Variants in ITGA6 observed in about 807,000 individuals in gnomAD.
The protein encoded by ITGA6 is integrin subunit alpha 6.
In ITGA6, 63 loss-of-function variants were observed where a neutral mutation model predicts 133.6. That is an observed-to-expected ratio of 0.47 (90% CI 0.38 to 0.58). ITGA6 has a LOEUF of 0.58. Ranked by LOEUF, ITGA6 falls within the 20% of genes least tolerant of loss-of-function variation. The pLI is 0.00. For synonymous variants in ITGA6, 434 were observed against 482.0 expected (o/e 0.90, Z 1.30); for missense variants, 1,068 against 1,309.4 (o/e 0.82, Z 2.85).
rs576713455 is a variant in ITGA6 at position 172,486,188 on chromosome 2, A to C, written c.1855-835A>C. 6.6e-4 allele frequency among the ~76,000 whole-genome samples: 100 copies of C among 150,900 alleles called. 2 individuals are homozygous for C. The highest frequency in any genetic ancestry group is 2.4e-3 in the African/African-American group (98 of 40,912). On this transcript the variant is annotated intron_variant, in intron 13 of 25. Transcript: ENST00000684293. Reference sequence around the variant, plus strand: ...AAGACTCTATCTCCAAAAAAAAAAAAAAAAAAAAACAACTAATTGATGATG... The same window carrying C: ...AAGACTCTATCTCCAAAAAAAAAAACAAAAAAAAACAACTAATTGATGATG...
chr2:172,478,647 G>A (rs71415300), intron 9 of ITGA6, among the ~76,000 whole-genome samples: 2,517 of 152,358 alleles, frequency 0.017, 31 homozygotes, highest in Non-Finnish European at 0.028. Flanking sequence ...GTAGGGCGTG[G>A]AATTGGATTC....
chr2:172,441,148 T>C (rs1480263690), intron 1 of ITGA6, among the ~76,000 whole-genome samples: 2 of 152,208 alleles, frequency 1.3e-5, no homozygotes, highest in African/African-American at 4.8e-5. Context: ...GTTGCTCTCA[T>C]CCTGTTGAGT....
At chr2:172,428,137 A>C in intron 1 of ITGA6, 167 bp downstream of exon 1, 1 of 441,658 alleles carries the variant, frequency 2.3e-6, no homozygotes. Flanking sequence ...CCCCGCCCTG[A>C]CCCGCCCCGC....
chr2:172,456,228 C>T (rs28595036), intron 1 of ITGA6, among the ~76,000 whole-genome samples: 28,709 of 152,130 alleles, frequency 0.19, 3,414 homozygotes, highest in African/African-American at 0.33. Context: ...GGGACTCTTA[C>T]AAGGCCAGTG....
chr2:172,432,904 G>A (rs748762607), intron 1 of ITGA6, among the ~76,000 whole-genome samples: 3 of 152,194 alleles, frequency 2.0e-5, no homozygotes, highest in Non-Finnish European at 2.9e-5. Context: ...TGCAGTACAC[G>A]TGTGAAGTCA....
rs1686613054 is a variant in ITGA6, at chr2:172,485,192, T to A, written c.1782T>A (p.Arg594=). 1.2e-6 allele frequency: 2 copies of A among 1,613,742 alleles called. No homozygotes were observed. The highest frequency in any genetic ancestry group is 1.7e-6 in the Non-Finnish European group (2 of 1,179,748). ...ASVEIQEPSS[R]RRVNSLPEVL... ...TGGAGATCCAAGAGCCAAGCTCTCG[T>A]AGGCGAGTGAATTCACTTCCAGAAG... The change falls in exon 13 of 26, where the codon CGT becomes CGA. Residue 594 remains arginine (R), a synonymous_variant. Coordinates refer to ENST00000684293, the MANE Select transcript of ITGA6 (RefSeq NM_000210.4).
intron 1 of ITGA6, among the ~76,000 whole-genome samples, chr2:172,454,864 T>C (rs1685150300): frequency 6.6e-6 from 1 of 152,130 alleles, no homozygotes; most frequent in Admixed American, 6.5e-5. Flanking sequence ...GAAGGAACCA[T>C]GAGTCAGGGA....
chr2:172,485,224 C>T lies in ITGA6; in HGVS notation c.1814C>T (p.Pro605Leu), dbSNP rs1158652479. 1.2e-6 allele frequency: 2 copies of T among 1,613,862 alleles called. No individual in the cohort carries two copies. Among genetic ancestry groups the T allele is most frequent in the Middle Eastern group, 1.6e-4 (1 of 6,084 alleles). The change falls in exon 13 of 26, where the codon CCA becomes CTA. Residue 605 changes from proline to leucine, a missense_variant. Pro to Leu is a moderately conservative substitution (Grantham distance 98, BLOSUM62 -3). Transcript: ENST00000684293. ...RRVNSLPEVLPILNSDEPKTA... is the reference protein window; with the variant it reads ...RRVNSLPEVLLILNSDEPKTA... ...GTGAATTCACTTCCAGAAGTTCTTC[C>T]AATTCTGAATTCAGATGAACCCAAG...
intron 9 of ITGA6, among the ~76,000 whole-genome samples, chr2:172,478,311 C>G (rs190384265): frequency 1.6e-3 from 247 of 152,328 alleles, no homozygotes; most frequent in African/African-American, 5.6e-3. Context: ...CAGATTGATT[C>G]CAGAAGTTCG....
At chr2:172,471,186 C>T in intron 5 of ITGA6, 81 bp downstream of exon 5, 1 of 1,545,388 alleles carries the variant, frequency 6.5e-7, no homozygotes, top group Non-Finnish European at 8.9e-7. Context: ...CCTATGGCCC[C>T]TGGACTTCTA....
chr2:172,432,053 C>G (rs1684126078), intron 1 of ITGA6, among the ~76,000 whole-genome samples: 1 of 152,098 alleles, frequency 6.6e-6, no homozygotes, highest in South Asian at 2.1e-4. Context: ...TCCTGAAGAC[C>G]TCGGCTCAAC....
intron 25 of ITGA6, 95 bp downstream of exon 25, chr2:172,501,996 T>A: frequency 9.2e-7 from 1 of 1,086,616 alleles, no homozygotes; most frequent in Non-Finnish European, 1.3e-6. Flanking sequence ...TGTGTCCCAT[T>A]AACAGATGTT....
intron 1 of ITGA6, among the ~76,000 whole-genome samples, chr2:172,446,177 G>A (rs1684760480): frequency 6.6e-6 from 1 of 151,708 alleles, no homozygotes; most frequent in African/African-American, 2.4e-5. Flanking sequence ...TCAAAGCATT[G>A]AAAAATTTGT....
At chr2:172,496,606 T>C (rs1019300772) in intron 23 of ITGA6, among the ~76,000 whole-genome samples, 2 of 152,134 alleles carry the variant, frequency 1.3e-5, no homozygotes, top group East Asian at 1.9e-4. Context: ...AATATTTGAC[T>C]GAAAACACTT....
rs894567987 is a variant in ITGA6, at chr2:172,504,377, G to A, written c.*309G>A. On this transcript the variant is annotated 3_prime_UTR_variant, in exon 26 of 26. Coordinates refer to ENST00000684293, the MANE Select transcript of ITGA6 (RefSeq NM_000210.4). ...ATTTCAGAGTGACTACACACAGTACGAACCTACAGTTTTAACTGTGGATAT... is the reference window on the plus strand; with the variant it reads ...ATTTCAGAGTGACTACACACAGTACAAACCTACAGTTTTAACTGTGGATAT... 1.2e-5 allele frequency: 8 copies of A among 658,270 alleles called. No individual in the cohort carries two copies. The highest frequency in any genetic ancestry group is 9.8e-5 in the Admixed American group (3 of 30,728). 40.8% of individuals were successfully genotyped at this position (658,270 alleles called of 1,614,324 possible).
At chr2:172,460,745 C>T (rs1046274403) in intron 1 of ITGA6, among the ~76,000 whole-genome samples, 1 of 152,194 alleles carries the variant, frequency 6.6e-6, no homozygotes, top group Admixed American at 6.5e-5. Flanking sequence ...AAAGGTGACA[C>T]AATTGCCACA....
intron 13 of ITGA6, 138 bp downstream of exon 13, chr2:172,485,402 A>G (rs1574396646): frequency 2.5e-6 from 2 of 789,938 alleles, no homozygotes; most frequent in Non-Finnish European, 4.4e-6. Flanking sequence ...AATGTACGCA[A>G]AGTTAGAGAA....
Position 172,488,529 on chromosome 2 carries a change from G to A in ITGA6, c.2505+301G>A, listed in dbSNP as rs80345858. On this transcript the variant is annotated intron_variant, in intron 19 of 25. Coordinates refer to ENST00000684293, the MANE Select transcript of ITGA6 (RefSeq NM_000210.4). ...TGCTTGTGGTTGAAAGAATATTAAT[G>A]TATGCCTACCTTTCACAAGCCCAGT... Among the ~76,000 whole-genome samples the A allele has an allele frequency of 1.3e-4, 20 of 152,300 alleles. No homozygotes were observed. The East Asian group carries it at 3.7e-3, about 28-fold the overall frequency.
chr2:172,466,615 ATC>A (rs1685685116), intron 2 of ITGA6, among the ~76,000 whole-genome samples: 1 of 152,180 alleles, frequency 6.6e-6, no homozygotes, highest in Non-Finnish European at 1.5e-5. Flanking sequence ...GCAAGATACC[ATC>A]TCAAGAAAAG....
Sources: allele counts gnomAD v4.1 joint callset (sites outside exome capture counted in the v4.1 genomes callset), GRCh38; gene constraint gnomAD v4.1.1; transcripts MANE v1.5; gene names NCBI Gene and HGNC (gene_info 2026-07-23, HGNC 2026-07-21).